Variants in MCTP2 observed in about 807,000 individuals in gnomAD.
The protein encoded by MCTP2 is multiple C2 and transmembrane domain containing 2.
A neutral mutation model predicts 111.6 loss-of-function variants in MCTP2; 132 were observed. That is an observed-to-expected ratio of 1.18 (90% CI 1.03 to 1.37). MCTP2 has a LOEUF of 1.37. Ranked by LOEUF, MCTP2 falls within the 40% of genes most tolerant of loss-of-function variation. The pLI is 0.00. For missense variants in MCTP2, 1,183 were observed against 1,067.9 expected, an observed-to-expected ratio of 1.11 and a Z score of -1.50; for synonymous variants, 395 against 387.7, an observed-to-expected ratio of 1.02 and a Z score of -0.22.
chr15:94,418,179 A>G (rs2082461044), intron 17 of MCTP2, among the ~76,000 whole-genome samples: 1 of 152,130 alleles, frequency 6.6e-6, no homozygotes, highest in South Asian at 2.1e-4. Context: ...TGTTCATGTG[A>G]GCAAAGTCAG....
intron 3 of MCTP2, chr15:94,314,770 A>T: frequency 2.2e-6 from 1 of 458,136 alleles, no homozygotes; most frequent in Non-Finnish European, 4.4e-6. Context: ...AATTGGGCTC[A>T]TGTAATACAT....
intron 8 of MCTP2, among the ~76,000 whole-genome samples, chr15:94,349,665 A>G (rs1382841431): frequency 6.6e-6 from 1 of 151,796 alleles, no homozygotes; most frequent in Non-Finnish European, 1.5e-5. Flanking sequence ...CTAAAAATAC[A>G]AAAAATTAGC....
chr15:94,438,588 G>T (rs1294027727), intron 17 of MCTP2, among the ~76,000 whole-genome samples: 2 of 152,054 alleles, frequency 1.3e-5, no homozygotes, highest in Non-Finnish European at 2.9e-5. Flanking sequence ...AAATGAAAAG[G>T]ATAAAACCAT....
intron 21 of MCTP2, 22 bp downstream of exon 21, chr15:94,470,464 T>A: frequency 6.9e-7 from 1 of 1,451,128 alleles, no homozygotes; most frequent in Non-Finnish European, 9.7e-7. Context: ...ATGGTCCTTT[T>A]GCTAGCAATC....
rs532255197 is a variant in MCTP2, at chr15:94,402,590, A to G, written c.2085+571A>G. 59 of 1,551,294 alleles carry G rather than the reference A, an allele frequency of 3.8e-5. No individual in the cohort carries two copies. In the African/African-American group the frequency reaches 5.3e-4, roughly 14 times the overall value. On this transcript the variant is annotated intron_variant, in intron 17 of 22. Transcript: ENST00000357742. The stretch of plus-strand genomic sequence containing the variant: ...AAAATCGCAGAATCAAAGCGCTGCA[A>G]GAGATCTTAAAACCACCTAAGTCTA...
At chr15:94,294,941 C>CTTTTTTTT (rs71133001) in intron 1 of MCTP2, among the ~76,000 whole-genome samples, 1 of 73,988 alleles carries the variant, frequency 1.4e-5, no homozygotes, top group African/African-American at 5.7e-5. Flanking sequence ...TTTTCTTTTC[C>CTTTTTTTT]TTTTTTTTTT....
intron 14 of MCTP2, among the ~76,000 whole-genome samples, chr15:94,395,221 C>A (rs1262511878): frequency 2.0e-5 from 3 of 152,210 alleles, no homozygotes; most frequent in Non-Finnish European, 4.4e-5. Context: ...CTGGAACCAA[C>A]TAATATGTCA....
At chr15:94,398,914 C>A (rs2081411479) in intron 14 of MCTP2, 47 bp from the exon 15 acceptor site, 1 of 1,164,256 alleles carries the variant, frequency 8.6e-7, no homozygotes, top group Non-Finnish European at 1.3e-6. Flanking sequence ...CTTTAAACCA[C>A]ATAGTAATTT....
intron 1 of MCTP2, among the ~76,000 whole-genome samples, chr15:94,248,365 T>G (rs891971547): frequency 6.6e-6 from 1 of 152,110 alleles, no homozygotes; most frequent in African/African-American, 2.4e-5. Context: ...CATCTCGAAA[T>G]AATGGGCCTC....
chr15:94,460,351 T>C (rs2085108351), intron 20 of MCTP2, among the ~76,000 whole-genome samples: 1 of 152,124 alleles, frequency 6.6e-6, no homozygotes, highest in Non-Finnish European at 1.5e-5. Flanking sequence ...AGCCCAAGAC[T>C]ATGTGGGAGA....
intron 12 of MCTP2, among the ~76,000 whole-genome samples, 200 bp from the exon 13 acceptor site, chr15:94,383,822 G>T (rs766653357): frequency 8.5e-5 from 13 of 152,166 alleles, no homozygotes; most frequent in Non-Finnish European, 1.6e-4. Flanking sequence ...GTTCTAACCC[G>T]TTGAGTATTG....
At chr15:94,352,157 G>A (rs1435380638) in intron 8 of MCTP2, among the ~76,000 whole-genome samples, 1 of 152,154 alleles carries the variant, frequency 6.6e-6, no homozygotes, top group Admixed American at 6.5e-5. Context: ...TTAGAGTCTA[G>A]TCCTAGATCA....
Position 94,358,542 on chromosome 15 carries a change from G to A in MCTP2, c.1231G>A (p.Asp411Asn), listed in dbSNP as rs1375119223. The change falls in exon 10 of 23, where the codon GAC becomes AAC. Residue 411 changes from aspartate (D) to asparagine (N), a missense_variant. Coordinates refer to ENST00000357742, the MANE Select transcript of MCTP2 (RefSeq NM_001385001.1). ...ACAGTTTGACTTTCACTACTTCTCT[G>A]ACAGGATGGGCATTTTGGACATTGA... ...QEQFDFHYFS[D>N]RMGILDIEVW... The A allele has an allele frequency of 1.2e-6, 2 of 1,613,840 alleles. No homozygotes were observed. Among genetic ancestry groups the A allele is most frequent in the South Asian group, 2.2e-5 (2 of 91,072 alleles).
chr15:94,338,487 CA>C (rs760696113), intron 4 of MCTP2, among the ~76,000 whole-genome samples: 8 of 115,638 alleles, frequency 6.9e-5, no homozygotes, highest in African/African-American at 3.2e-4. Context: ...TGTTTGCAGG[CA>C]TTTTTTTTTT....
At chr15:94,312,021 C>T (rs1305188271) in intron 2 of MCTP2, among the ~76,000 whole-genome samples, 1 of 152,126 alleles carries the variant, frequency 6.6e-6, no homozygotes, top group African/African-American at 2.4e-5. Context: ...GTGTTATTAT[C>T]CACTTTAGTG....
chr15:94,242,223 G>C (rs528151841), intron 1 of MCTP2, among the ~76,000 whole-genome samples: 14 of 152,188 alleles, frequency 9.2e-5, no homozygotes, highest in Admixed American at 2.6e-4. Flanking sequence ...TCAACTATCA[G>C]TTCTGCCATA....
chr15:94,279,195 A>G (rs1017789594), intron 1 of MCTP2, among the ~76,000 whole-genome samples: 2 of 152,128 alleles, frequency 1.3e-5, no homozygotes, highest in Non-Finnish European at 2.9e-5. Context: ...GAATCTGTAA[A>G]TTGCTTTGGG....
intron 1 of MCTP2, among the ~76,000 whole-genome samples, chr15:94,264,471 T>C (rs996128362): frequency 6.6e-6 from 1 of 151,996 alleles, no homozygotes; most frequent in Non-Finnish European, 1.5e-5. Context: ...TAGCTGGGCA[T>C]GGTGGCGGGC....
intron 1 of MCTP2, among the ~76,000 whole-genome samples, chr15:94,262,276 T>G (rs1188497312): frequency 2.0e-5 from 3 of 152,222 alleles, no homozygotes; most frequent in African/African-American, 7.2e-5. Flanking sequence ...TTAATTGAAC[T>G]TCATTTGGAA....
Sources: gnomAD v4.1 joint callset for allele counts (sites outside exome capture counted in the v4.1 genomes callset) on GRCh38, gnomAD v4.1.1 for gene constraint, MANE v1.5 for transcripts, NCBI Gene and HGNC (gene_info 2026-07-23, HGNC 2026-07-21) for gene names.